Variants in ZNF608 observed in about 807,000 individuals in gnomAD.
The protein encoded by ZNF608 is zinc finger protein 608, also known as renal carcinoma antigen NY-REN-36.
ZNF608 carries 12 observed loss-of-function variants against 109.0 expected under a neutral mutation model. The observed-to-expected ratio is 0.11, with a 90% CI of 0.07 to 0.18. ZNF608 has a LOEUF of 0.18. Ranked by LOEUF, ZNF608 falls within the 10% of genes least tolerant of loss-of-function variation. The pLI is 1.00. For synonymous variants in ZNF608, 732 were observed against 717.4 expected (o/e 1.02, Z -0.33); for missense variants, 1,707 against 1,879.3 (o/e 0.91, Z 1.70).
chr5:124,652,708 A>C (rs1050739135), intron 3 of ZNF608, among the ~76,000 whole-genome samples: 4 of 152,250 alleles, frequency 2.6e-5, no homozygotes, highest in African/African-American at 9.6e-5. Context: ...TTTAGGTTCT[A>C]AAACTTGTAA....
rs765979576 is a variant in ZNF608, at chr5:124,647,631, G to A, written c.2753C>T (p.Pro918Leu). 5 of 1,614,102 alleles carry A rather than the reference G, an allele frequency of 3.1e-6. No individual in the cohort carries two copies. The African/African-American group carries it at 4.0e-5, about 13-fold the overall frequency. ...CCCATTCTGGGTCAACACATGCAGA[G>A]GTGCCATTGGTGCCTGCCCGTTCAC... The part of the protein sequence containing the change: ...TLVNGQAPMA[P>L]LHVLTQNGAE... The change falls in exon 5 of 10, where the codon CCT becomes CTT. Residue 918 changes from proline (P) to leucine (L), a missense_variant. By Grantham distance (98) the Pro-to-Leu change is moderately conservative. Around this residue, in one of 7 missense-constraint regions of ZNF608, gnomAD observed 1,073 missense variants for 1,133.5 expected, o/e 0.95. Coordinates refer to ENST00000513986, the MANE Select transcript of ZNF608 (RefSeq NM_020747.3).
chr5:124,684,407 G>A (rs146267006), intron 3 of ZNF608, among the ~76,000 whole-genome samples: 11 of 152,294 alleles, frequency 7.2e-5, no homozygotes, highest in African/African-American at 2.6e-4. Context: ...CGAAAAGGGA[G>A]GTTGCAGCCC....
At chr5:124,733,217 CT>C (rs67421322) in intron 2 of ZNF608, among the ~76,000 whole-genome samples, 9,605 of 117,562 alleles carry the variant, frequency 0.082, 265 homozygotes, top group African/African-American at 0.16. Flanking sequence ...ATCTCTCTCT[CT>C]TTTTTTTTTT....
At chr5:124,726,037 C>A (rs942712099) in intron 2 of ZNF608, among the ~76,000 whole-genome samples, 1 of 152,184 alleles carries the variant, frequency 6.6e-6, no homozygotes, top group African/African-American at 2.4e-5. Context: ...CTACCCTTTA[C>A]CCCAGAAACG....
intron 2 of ZNF608, among the ~76,000 whole-genome samples, chr5:124,743,524 T>C (rs542277253): frequency 6.6e-6 from 1 of 152,278 alleles, no homozygotes; most frequent in South Asian, 2.1e-4. Flanking sequence ...AAGGATATCC[T>C]TTCACAGTAC....
At chr5:124,720,813 T>C (rs1753872573) in intron 2 of ZNF608, among the ~76,000 whole-genome samples, 1 of 152,098 alleles carries the variant, frequency 6.6e-6, no homozygotes, top group South Asian at 2.1e-4. Flanking sequence ...TGGCTTTTTT[T>C]TCCTTTTTCT....
chr5:124,683,286 C>T (rs747030529), intron 3 of ZNF608, among the ~76,000 whole-genome samples: 22 of 152,170 alleles, frequency 1.4e-4, no homozygotes, highest in Non-Finnish European at 2.8e-4. Flanking sequence ...AGCTAAGTTG[C>T]TCCCAGATTC....
chr5:124,679,996 C>T (rs1257474162), intron 3 of ZNF608, among the ~76,000 whole-genome samples: 3 of 152,110 alleles, frequency 2.0e-5, no homozygotes, highest in Non-Finnish European at 4.4e-5. Context: ...AAAAACAGAG[C>T]TCAAGCCCAA....
chr5:124,678,232 C>T (rs1017258027), intron 3 of ZNF608, among the ~76,000 whole-genome samples: 1 of 152,124 alleles, frequency 6.6e-6, no homozygotes, highest in African/African-American at 2.4e-5. Context: ...GGCAATGAAG[C>T]AATTCCTAGA....
intron 3 of ZNF608, among the ~76,000 whole-genome samples, chr5:124,700,501 C>T (rs1753008931): frequency 1.3e-5 from 2 of 152,234 alleles, no homozygotes; most frequent in Non-Finnish European, 2.9e-5. Flanking sequence ...GACCGGCTTA[C>T]TAGGGCTTAA....
At chr5:124,691,895 C>T (rs1752643895) in intron 3 of ZNF608, among the ~76,000 whole-genome samples, 2 of 151,320 alleles carry the variant, frequency 1.3e-5, no homozygotes, top group South Asian at 2.1e-4. Flanking sequence ...CAGTACAACA[C>T]GGTACCTATG....
chr5:124,744,984 T>C lies in ZNF608; in HGVS notation c.6A>G (p.Ser2=). Residue 2 remains serine (S), a synonymous_variant, in exon 2 of 10, where the codon TCA becomes TCG. Coordinates refer to ENST00000513986, the MANE Select transcript of ZNF608 (RefSeq NM_020747.3). This position sits in a 1 kb window ranked among gnomAD's most constrained non-coding sequence, Gnocchi z 4.5. M[S]VNISTAGKGV... ...CTTTTCCTGCAGTAGAAATGTTCAC[T>C]GACATCCTGAAGATGAGCTCTCTAG... 1 of 1,605,408 alleles carries C rather than the reference T, an allele frequency of 6.2e-7. No homozygotes were observed. Among genetic ancestry groups the C allele is most frequent in the South Asian group, 1.1e-5 (1 of 89,266 alleles).
At chr5:124,731,601 A>G (rs1050981381) in intron 2 of ZNF608, among the ~76,000 whole-genome samples, 1 of 151,882 alleles carries the variant, frequency 6.6e-6, no homozygotes, top group Non-Finnish European at 1.5e-5. Flanking sequence ...TGAGGCGGGC[A>G]GATTACCTGA....
At chr5:124,649,507 G>A in intron 4 of ZNF608, 103 bp downstream of exon 4, 3 of 919,612 alleles carry the variant, frequency 3.3e-6, no homozygotes, top group Non-Finnish European at 4.9e-6. Flanking sequence ...TCCTTTGCCT[G>A]GTTTCAATTA....
At chr5:124,666,726 T>C (rs990646279) in intron 3 of ZNF608, among the ~76,000 whole-genome samples, 100 of 145,552 alleles carry the variant, frequency 6.9e-4, no homozygotes, top group African/African-American at 2.5e-3. Context: ...TGTGTGTGTG[T>C]GTGTGTGTGT....
intron 2 of ZNF608, among the ~76,000 whole-genome samples, chr5:124,715,487 C>A (rs570619596): frequency 6.6e-6 from 1 of 152,282 alleles, no homozygotes; most frequent in South Asian, 2.1e-4. Flanking sequence ...TAATTTCTAG[C>A]TAGTTGACAA....
chr5:124,731,718 C>T (rs971984893), intron 2 of ZNF608, among the ~76,000 whole-genome samples: 1 of 151,774 alleles, frequency 6.6e-6, no homozygotes, highest in Non-Finnish European at 1.5e-5. Flanking sequence ...CCCAGATACT[C>T]GGGAGGCTGA....
intron 3 of ZNF608, among the ~76,000 whole-genome samples, chr5:124,670,459 G>A (rs1476611805): frequency 6.6e-6 from 1 of 151,676 alleles, no homozygotes; most frequent in Non-Finnish European, 1.5e-5. Flanking sequence ...ATAACTGGAC[G>A]AGTCACCACG....
intron 3 of ZNF608, among the ~76,000 whole-genome samples, chr5:124,653,116 A>G (rs1162629031): frequency 2.0e-5 from 3 of 152,192 alleles, no homozygotes; most frequent in Admixed American, 1.3e-4. Context: ...TCTGAGGCTT[A>G]TTACTAATAA....
Sources: gnomAD v4.1 joint callset for allele counts (sites outside exome capture counted in the v4.1 genomes callset) on GRCh38, gnomAD v4.1.1 for gene constraint, gnomAD v4.1.1 regional missense constraint, Gnocchi (gnomAD v3.1) non-coding constraint, MANE v1.5 for transcripts, NCBI Gene and HGNC (gene_info 2026-07-23, HGNC 2026-07-21) for gene names.